PRRG1: variants seen among roughly 807,000 people sequenced by gnomAD.
The protein encoded by PRRG1 is proline rich and Gla domain 1.
Under a neutral mutation model 11.8 loss-of-function variants are expected in PRRG1, and 5 were observed. That is an observed-to-expected ratio of 0.42 (90% CI 0.22 to 0.89). The LOEUF is 0.89. Among genes scored for constraint, PRRG1 ranks in the 40% least tolerant of loss-of-function variants. The pLI is 0.28. For synonymous variants in PRRG1, 66 were observed against 60.4 expected, an observed-to-expected ratio of 1.09 and a Z score of -0.43; for missense variants, 155 against 166.1, an observed-to-expected ratio of 0.93 and a Z score of 0.37.
chrX:37,433,538 T>A (rs1932853603), intron 3 of PRRG1, among the ~76,000 whole-genome samples: 1 of 109,664 alleles, frequency 9.1e-6, no homozygotes, highest in Non-Finnish European at 1.9e-5. Flanking sequence ...TTTCTTTTTT[T>A]CAAGCACTGA....
At chrX:37,442,061 AG>A (rs1296299508) in intron 3 of PRRG1, 45 of 768,853 alleles carry the variant, frequency 5.9e-5, no homozygotes, top group Non-Finnish European at 6.8e-5. Flanking sequence ...GGCGGCAGCG[AG>A]GAAGACACCT....
chrX:37,386,622 G>A, intron 1 of PRRG1: 1 of 111,655 alleles, frequency 9.0e-6, no homozygotes, highest in African/African-American at 3.3e-5. Flanking sequence ...TTTAGAGAAA[G>A]AAATCCACCT....
chrX:37,404,939 G>A (rs974645722), intron 1 of PRRG1, among the ~76,000 whole-genome samples: 6 of 111,904 alleles, frequency 5.4e-5, no homozygotes, highest in Non-Finnish European at 1.1e-4. Flanking sequence ...TCCAAAATGA[G>A]CTCCAAAGAA....
At chrX:37,434,079 C>T (rs1367754657) in intron 3 of PRRG1, among the ~76,000 whole-genome samples, 1 of 112,223 alleles carries the variant, frequency 8.9e-6, no homozygotes, top group East Asian at 2.8e-4. Context: ...TTGCTTTCTA[C>T]TTTTAGACTA....
At chrX:37,372,471 T>A (rs1444688619) in intron 1 of PRRG1, among the ~76,000 whole-genome samples, 7 of 111,309 alleles carry the variant, frequency 6.3e-5, no homozygotes, top group African/African-American at 2.3e-4. Context: ...GCCCAGCTAA[T>A]TTTTTTGTAT....
intron 3 of PRRG1, among the ~76,000 whole-genome samples, chrX:37,451,139 C>T (rs781800543): frequency 1.8e-3 from 204 of 111,944 alleles, no homozygotes; most frequent in African/African-American, 6.5e-3. Flanking sequence ...CTGCCTCAGC[C>T]TCCTGAGTAG....
chrX:37,456,900 T>C lies in PRRG1; in HGVS notation c.*3279T>C, dbSNP rs1167729307. On this transcript the variant is annotated 3_prime_UTR_variant, in exon 4 of 4. Transcript: ENST00000378628. ...CAGGCTCAGTGGTCTTCCTGTAGAA[T>C]GGTTTACATGCCTGCATGTGCAGTA... The C allele has an allele frequency of 8.9e-6, 1 of 112,400 alleles. No homozygotes were observed. Among genetic ancestry groups the C allele is most frequent in the Non-Finnish European group, 1.9e-5 (1 of 53,231 alleles). 9.3% of individuals were successfully genotyped at this position (112,400 alleles called of 1,213,427 possible). A position where few individuals can be genotyped will look rare whatever the true frequency, so the allele number is the denominator to read the frequency against.
In PRRG1 at chrX:37,386,838, C is replaced by A. The variant is rs1315184569; in HGVS notation, c.-41-19371C>A. 2.7e-5 allele frequency: 3 copies of A among 112,256 alleles called. No individual in the cohort carries two copies. The East Asian group carries it at 8.3e-4, about 31-fold the overall frequency. 9.3% of individuals were successfully genotyped at this position (112,256 alleles called of 1,213,427 possible). ...ATTGCAAAGATTAAAGGAATTAACA[C>A]AATGATCTGATAACAAAGCACTATG... On this transcript the variant is annotated intron_variant, in intron 1 of 3. Coordinates refer to ENST00000378628, the MANE Select transcript of PRRG1 (RefSeq NM_001142395.2).
intron 1 of PRRG1, among the ~76,000 whole-genome samples, chrX:37,402,758 A>T (rs1284805393): frequency 8.9e-6 from 1 of 111,738 alleles, no homozygotes; most frequent in Non-Finnish European, 1.9e-5. Context: ...AATATCCAGA[A>T]TCTACAATGA....
At chrX:37,441,653 G>A (rs1283654371) in intron 3 of PRRG1, 1 of 800,863 alleles carries the variant, frequency 1.2e-6, no homozygotes, top group Non-Finnish European at 1.5e-6. Flanking sequence ...TACTTCGACC[G>A]GGACAATGCG....
At chrX:37,444,865 C>A (rs1933046618) in intron 3 of PRRG1, among the ~76,000 whole-genome samples, 1 of 110,832 alleles carries the variant, frequency 9.0e-6, no homozygotes, top group African/African-American at 3.3e-5. Context: ...CTGTGTAATC[C>A]CCCCCAATTC....
chrX:37,353,840 G>A (rs782441033), intron 1 of PRRG1, among the ~76,000 whole-genome samples: 14 of 112,368 alleles, frequency 1.2e-4, no homozygotes, highest in Admixed American at 5.6e-4. Context: ...CAACGAAATC[G>A]CCTAAAGGCA....
At chrX:37,425,717 T>C in intron 2 of PRRG1, 123 bp from the exon 3 acceptor site, 1 of 586,166 alleles carries the variant, frequency 1.7e-6, no homozygotes, top group Non-Finnish European at 2.6e-6. Flanking sequence ...TAAGTGTTAC[T>C]TCATTGCTGA....
rs186952818 is a variant in PRRG1 at position 37,363,369 on chromosome X, A to G, written c.-42+13974A>G. 3.6e-5 allele frequency among the ~76,000 whole-genome samples: 4 copies of G among 112,425 alleles called. No homozygotes were observed. In the East Asian group the frequency reaches 1.1e-3, roughly 31 times the overall value. On this transcript the variant is annotated intron_variant, in intron 1 of 3. Transcript: ENST00000378628. ...AATATATATTGAGGATTTACTATGC[A>G]TGCATTTCATGCATCTAGCATTATG...
At chrX:37,442,548 G>A (rs1196332441) in intron 3 of PRRG1, among the ~76,000 whole-genome samples, 2 of 111,255 alleles carry the variant, frequency 1.8e-5, no homozygotes, top group African/African-American at 3.3e-5. Flanking sequence ...GCATGTACAT[G>A]GTACAGTGTA....
At chrX:37,418,416 G>A (rs781789802) in intron 2 of PRRG1, among the ~76,000 whole-genome samples, 115 of 112,097 alleles carry the variant, frequency 1.0e-3, no homozygotes, top group African/African-American at 3.4e-3. Flanking sequence ...ATTCAGAAAA[G>A]AAATCGGCTT....
intron 2 of PRRG1, among the ~76,000 whole-genome samples, chrX:37,416,126 CA>C (rs782132587): frequency 3.2e-4 from 36 of 112,212 alleles, no homozygotes; most frequent in Non-Finnish European, 5.6e-5. Context: ...CTAAACTCCT[CA>C]ATGAAACTCC....
chrX:37,358,664 T>G (rs181879862), intron 1 of PRRG1, among the ~76,000 whole-genome samples: 293 of 111,745 alleles, frequency 2.6e-3, no homozygotes, highest in African/African-American at 9.2e-3. Context: ...ACTTTGGTGT[T>G]CTACAATATT....
At chrX:37,395,242 C>T (rs1556377799) in intron 1 of PRRG1, among the ~76,000 whole-genome samples, 7 of 111,934 alleles carry the variant, frequency 6.3e-5, no homozygotes, top group Non-Finnish European at 1.3e-4. Context: ...CATGCTCTTA[C>T]CTGTTGTTGG....
Sources: gnomAD v4.1 joint callset for allele counts (sites outside exome capture counted in the v4.1 genomes callset) on GRCh38, gnomAD v4.1.1 for gene constraint, MANE v1.5 for transcripts, NCBI Gene and HGNC (gene_info 2026-07-23, HGNC 2026-07-21) for gene names.